Variants in SMIM13 observed in about 807,000 individuals in gnomAD.
SMIM13 encodes the protein small integral membrane protein 13.
SMIM13 carries 3 observed loss-of-function variants against 5.9 expected under a neutral mutation model. The ratio of observed to expected loss-of-function variants is 0.51; its 90% CI spans 0.23 to 1.31. The LOEUF is 1.31. Ranked by LOEUF, SMIM13 falls within the 40% of genes most tolerant of loss-of-function variation. SMIM13 has a pLI of 0.18. For synonymous variants in SMIM13, 55 were observed against 46.0 expected (o/e 1.19, Z -0.79); for missense variants, 85 against 109.9 (o/e 0.77, Z 1.01).
chr6:11,107,209 G>A lies in SMIM13; in HGVS notation c.76+12820G>A, dbSNP rs183053593. Among the ~76,000 whole-genome samples the A allele has an allele frequency of 2.7e-3, 415 of 152,332 alleles. 2 individuals carry two copies. The highest frequency in any genetic ancestry group is 4.8e-3 in the Non-Finnish European group (328 of 68,024). ...TTAAGTATCTCACAACACAAATGTG[G>A]TGTTATGGTCTCCTGGTAGTGGCAG... On this transcript the variant is annotated intron_variant, in intron 1 of 1. Transcript: ENST00000416247.
intron 1 of SMIM13, among the ~76,000 whole-genome samples, chr6:11,132,670 A>G (rs1271076971): frequency 6.6e-6 from 1 of 152,218 alleles, no homozygotes; most frequent in East Asian, 1.9e-4. Flanking sequence ...AAAACCAGAC[A>G]CAGAGGCCAC....
intron 1 of SMIM13, chr6:11,103,823 C>G: frequency 6.4e-7 from 1 of 1,551,616 alleles, no homozygotes; most frequent in Admixed American, 2.0e-5. Context: ...CAAAAAGGAG[C>G]AAAAGTAGGA....
chr6:11,110,116 C>G (rs1758146187), intron 1 of SMIM13, among the ~76,000 whole-genome samples: 1 of 152,186 alleles, frequency 6.6e-6, no homozygotes, highest in African/African-American at 2.4e-5. Flanking sequence ...GGCATCTCCC[C>G]TTGTTCTCTT....
intron 1 of SMIM13, among the ~76,000 whole-genome samples, chr6:11,107,923 A>G (rs1441271765): frequency 6.6e-6 from 1 of 152,236 alleles, no homozygotes; most frequent in Non-Finnish European, 1.5e-5. Flanking sequence ...CTGAATTACT[A>G]TAGGCATTGC....
intron 1 of SMIM13, among the ~76,000 whole-genome samples, chr6:11,101,981 G>T (rs750996890): frequency 6.6e-6 from 1 of 151,996 alleles, no homozygotes; most frequent in Non-Finnish European, 1.5e-5. Context: ...CTGGTGATCC[G>T]CCCACCTCAG....
At chr6:11,114,697 TAA>T (rs2113654650) in intron 1 of SMIM13, among the ~76,000 whole-genome samples, 1 of 147,772 alleles carries the variant, frequency 6.8e-6, no homozygotes, top group South Asian at 2.2e-4. Context: ...CTCCCAGGCT[TAA>T]GTGATTCTCG....
chr6:11,102,773 A>G (rs1181360244), intron 1 of SMIM13: 1 of 152,208 alleles, frequency 6.6e-6, no homozygotes, highest in Non-Finnish European at 1.5e-5. Context: ...AGCAAATCCA[A>G]TGGGTCTGCA....
intron 1 of SMIM13, chr6:11,105,330 G>T: frequency 6.3e-7 from 1 of 1,578,642 alleles, no homozygotes; most frequent in Non-Finnish European, 8.6e-7. Flanking sequence ...AGAGAAACTG[G>T]TCACAAAACG....
At chr6:11,103,953 C>G in intron 1 of SMIM13, 5 of 1,551,664 alleles carry the variant, frequency 3.2e-6, no homozygotes, top group Non-Finnish European at 4.4e-6. Flanking sequence ...TAGGAGTTGT[C>G]TGATGTTGTC....
rs1189602788 is a variant in SMIM13 at position 11,104,204 on chromosome 6, G to C, written c.76+9815G>C. The C allele has an allele frequency of 5.2e-6, 8 of 1,551,566 alleles. No individual in the cohort carries two copies. In the Admixed American group the frequency reaches 1.4e-4, roughly 27 times the overall value. ...AAGCTTTTGTGATTCCAGCAATTCCGGTTCCCGTACCAGCTAGAATGCCGA... is the reference window on the plus strand; with the variant it reads ...AAGCTTTTGTGATTCCAGCAATTCCCGTTCCCGTACCAGCTAGAATGCCGA... On this transcript the variant is annotated intron_variant, in intron 1 of 1. Coordinates refer to ENST00000416247, the MANE Select transcript of SMIM13 (RefSeq NM_001135575.2).
At chr6:11,094,440 C>A in intron 1 of SMIM13, 51 bp downstream of exon 1, 1 of 1,387,012 alleles carries the variant, frequency 7.2e-7, no homozygotes, top group Non-Finnish European at 9.8e-7. Context: ...GGTCGCTGAT[C>A]TGCTGGGGTT....
At chr6:11,097,565 G>C (rs914287178) in intron 1 of SMIM13, among the ~76,000 whole-genome samples, 1 of 151,954 alleles carries the variant, frequency 6.6e-6, no homozygotes, top group Non-Finnish European at 1.5e-5. Flanking sequence ...CTGCTCAGGA[G>C]GTTGAGGCAG....
rs368221720 is a variant in SMIM13, at chr6:11,133,584, G to A, written c.77-819G>A. Among the ~76,000 whole-genome samples the A allele has an allele frequency of 4.6e-5, 7 of 152,230 alleles. No homozygotes were observed. In the East Asian group the frequency reaches 5.8e-4, roughly 13 times the overall value. ...CGTAAGCATGAAAAACCTTGTTAGC[G>A]TGGTTAAGTTAGTTAATTTTATGCT... On this transcript the variant is annotated intron_variant, in intron 1 of 1. Transcript: ENST00000416247.
chr6:11,097,638 A>G (rs1417480076), intron 1 of SMIM13, among the ~76,000 whole-genome samples: 2 of 151,046 alleles, frequency 1.3e-5, no homozygotes, highest in African/African-American at 4.9e-5. Context: ...ATAGCACTCC[A>G]GCCTGGGTGA....
Position 11,094,203 on chromosome 6 carries a change from C to A in SMIM13, c.-111C>A. ...GGGGCGCCAGCCGCCCATGCCGCCC[C>A]GGCGCCCAGCCGCGCCTGGCGCCCG... is the stretch of plus-strand genomic sequence containing the variant. On this transcript the variant is annotated 5_prime_UTR_variant, in exon 1 of 2. Coordinates refer to ENST00000416247, the MANE Select transcript of SMIM13 (RefSeq NM_001135575.2). 2.9e-6 allele frequency: 1 copy of A among 350,518 alleles called. No individual in the cohort carries two copies. Among genetic ancestry groups the A allele is most frequent in the Admixed American group, 6.5e-5 (1 of 15,470 alleles). 21.7% of individuals were successfully genotyped at this position (350,518 alleles called of 1,614,324 possible). A position where few individuals can be genotyped will look rare whatever the true frequency, so the allele number is the denominator to read the frequency against.
intron 1 of SMIM13, among the ~76,000 whole-genome samples, chr6:11,133,763 A>AT (rs921646222): frequency 4.1e-4 from 62 of 151,900 alleles, no homozygotes; most frequent in Admixed American, 4.0e-3. Flanking sequence ...TTAAAAGAGA[A>AT]TTAGTCATAC....
intron 1 of SMIM13, among the ~76,000 whole-genome samples, chr6:11,119,654 C>CAA (rs145708573): frequency 1.3e-4 from 19 of 150,450 alleles, no homozygotes; most frequent in East Asian, 3.9e-4. Flanking sequence ...ACTCCATCTC[C>CAA]AAAAAAACAG....
At chr6:11,108,279 A>G (rs916148484) in intron 1 of SMIM13, among the ~76,000 whole-genome samples, 1 of 152,208 alleles carries the variant, frequency 6.6e-6, no homozygotes, top group African/African-American at 2.4e-5. Context: ...GGCAGCCCTC[A>G]TGTCCAAAAG....
chr6:11,130,276 C>A lies in SMIM13; in HGVS notation c.77-4127C>A, dbSNP rs961545159. On this transcript the variant is annotated intron_variant, in intron 1 of 1. Transcript: ENST00000416247. ...TGTAAAAAAAAAAAAAAAACAACAACAACAACAACAACTGGGTGTTTATTC... is the reference window on the plus strand; with the variant it reads ...TGTAAAAAAAAAAAAAAAACAACAAAAACAACAACAACTGGGTGTTTATTC... Among the ~76,000 whole-genome samples, 451 of 139,064 alleles carry A rather than the reference C, an allele frequency of 3.2e-3. 3 individuals are homozygous for A. The highest frequency in any genetic ancestry group is 9.0e-3 in the African/African-American group (339 of 37,676). 91.2% of individuals were successfully genotyped at this position (139,064 alleles called of 152,430 possible). A position where few individuals can be genotyped will look rare whatever the true frequency, so the allele number is the denominator to read the frequency against.
Sources: allele counts gnomAD v4.1 joint callset (sites outside exome capture counted in the v4.1 genomes callset), GRCh38; gene constraint gnomAD v4.1.1; transcripts MANE v1.5; gene names NCBI Gene and HGNC (gene_info 2026-07-23, HGNC 2026-07-21).